Variants in LRRIQ1 observed in about 807,000 individuals in gnomAD.
LRRIQ1 encodes the protein leucine rich repeats and IQ motif containing 1.
Under a neutral mutation model 211.9 loss-of-function variants are expected in LRRIQ1, and 210 were observed. The observed-to-expected ratio is 0.99, with a 90% confidence interval of 0.89 to 1.11. LRRIQ1 has a LOEUF of 1.11. Ranked by LOEUF, LRRIQ1 falls within the 50% of genes most tolerant of loss-of-function variation. The pLI is 0.00. For missense variants in LRRIQ1, 2,136 were observed against 1,939.5 expected (o/e 1.10, Z -1.90); for synonymous variants, 699 against 650.1 (o/e 1.08, Z -1.14).
chr12:85,259,791 A>G (rs1896231828), intron 1 of LRRIQ1, among the ~76,000 whole-genome samples: 1 of 152,154 alleles, frequency 6.6e-6, no homozygotes, highest in Non-Finnish European at 1.5e-5. Context: ...TTAAGGAATT[A>G]TACCAAGCAA....
chr12:85,116,962 T>C lies in LRRIQ1; in HGVS notation c.3378-4735T>C, dbSNP rs547363939. ...TCTTTATCCAATCTGTCATTGATAG[T>C]CATTTAGGTTGATTCCATGTCTTTG... On this transcript the variant is annotated intron_variant, in intron 15 of 26. Coordinates refer to ENST00000393217, the MANE Select transcript of LRRIQ1 (RefSeq NM_001079910.2). Among the ~76,000 whole-genome samples the C allele has an allele frequency of 4.6e-5, 7 of 152,068 alleles. No homozygotes were observed. In the South Asian group the frequency reaches 1.5e-3, roughly 32 times the overall value.
At chr12:85,192,323 C>T (rs944351543) in intron 24 of LRRIQ1, among the ~76,000 whole-genome samples, 7 of 146,492 alleles carry the variant, frequency 4.8e-5, no homozygotes, top group African/African-American at 1.8e-4. Flanking sequence ...CATGTCACTG[C>T]AAAGGACATG....
intron 24 of LRRIQ1, among the ~76,000 whole-genome samples, chr12:85,205,659 G>A (rs1363468386): frequency 6.6e-6 from 1 of 152,144 alleles, no homozygotes; most frequent in Non-Finnish European, 1.5e-5. Context: ...GCAAGGTTGG[G>A]AAAATATTCA....
intron 8 of LRRIQ1, 67 bp from the exon 9 acceptor site, chr12:85,065,195 G>A: frequency 7.6e-7 from 1 of 1,311,370 alleles, no homozygotes; most frequent in Non-Finnish European, 1.0e-6. Context: ...GTTTTGTAAG[G>A]CTAATATTGT....
chr12:85,082,623 C>T (rs1411167706), intron 11 of LRRIQ1, among the ~76,000 whole-genome samples: 3 of 152,058 alleles, frequency 2.0e-5, no homozygotes, highest in Non-Finnish European at 2.9e-5. Flanking sequence ...TATATGTATA[C>T]ATCTATGTCC....
At position 85,038,182 on chromosome 12, in the gene LRRIQ1, C is replaced by T. The variant is rs761010014; in HGVS notation, c.6C>T (p.Asp2=). The part of the protein sequence containing the change: M[D]DDDAKLKAEI... ...GTGCTTTATTATGAAGAATAATGGA[C>T]GATGATGATGCAAAGCTCAAAGCAG... Residue 2 remains aspartate, a synonymous_variant, in exon 2 of 27, where the codon GAC becomes GAT. Transcript: ENST00000393217. The T allele has an allele frequency of 1.5e-5, 23 of 1,552,962 alleles. No individual in the cohort carries two copies. The highest frequency in any genetic ancestry group is 1.7e-4 in the Middle Eastern group (1 of 5,810).
rs185818911 is a variant in LRRIQ1, at chr12:85,182,421, A to G, written c.4822+21707A>G. On this transcript the variant is annotated intron_variant, in intron 24 of 26. Transcript: ENST00000393217. ...ATTAACTAAAATTATGTGTGCCAAGATTTAGGTTAGTTGAAAGCCCTACAA... is the reference window on the plus strand; with the variant it reads ...ATTAACTAAAATTATGTGTGCCAAGGTTTAGGTTAGTTGAAAGCCCTACAA... 7.2e-5 allele frequency among the ~76,000 whole-genome samples: 11 copies of G among 152,290 alleles called. No individual in the cohort carries two copies. The East Asian group carries it at 1.9e-3, about 27-fold the overall frequency.
At chr12:85,116,036 T>C (rs1452118809) in intron 15 of LRRIQ1, among the ~76,000 whole-genome samples, 1 of 152,222 alleles carries the variant, frequency 6.6e-6, no homozygotes, top group Non-Finnish European at 1.5e-5. Flanking sequence ...ATACTCTTTA[T>C]GTAAAACAAG....
rs571410991 is a variant in LRRIQ1, at chr12:85,073,154, T to C, written c.2887+56T>C. On this transcript the variant is annotated intron_variant, in intron 11 of 26. Coordinates refer to ENST00000393217, the MANE Select transcript of LRRIQ1 (RefSeq NM_001079910.2). ...TCTTTATGGATTTCTAGAGGAGGTA[T>C]GGGGAGGGTTGGATCTAGGCAGTCA... 1.7e-5 allele frequency: 22 copies of C among 1,314,908 alleles called. No individual in the cohort carries two copies. In the African/African-American group the frequency reaches 3.1e-4, roughly 19 times the overall value. The allele number at this position is 1,314,908 out of a possible 1,614,324, so 81.5% of individuals were successfully genotyped here.
At chr12:85,089,546 G>A (rs1333672444) in intron 11 of LRRIQ1, among the ~76,000 whole-genome samples, 1 of 152,206 alleles carries the variant, frequency 6.6e-6, no homozygotes, top group Non-Finnish European at 1.5e-5. Flanking sequence ...GCAAGATTAT[G>A]TGTGTTATGC....
downstream of LRRIQ1, among the ~76,000 whole-genome samples, chr12:85,247,009 C>T (rs1037536107): frequency 6.6e-6 from 1 of 151,370 alleles, no homozygotes; most frequent in Non-Finnish European, 1.5e-5. Flanking sequence ...CGAGTTAGAA[C>T]ACAAACTGGT....
intron 24 of LRRIQ1, among the ~76,000 whole-genome samples, chr12:85,225,129 A>G (rs1437606727): frequency 1.3e-5 from 2 of 152,146 alleles, no homozygotes. Flanking sequence ...CTGAACATGT[A>G]CAGATTTTTT....
rs1894213238 is a variant in LRRIQ1 at position 85,217,712 on chromosome 12, G to GTGTATATGTATATATGTGTA, written c.4823-11804_4823-11803insGTATATGTATATATGTGTAT. Among the ~76,000 whole-genome samples the GTGTATATGTATATATGTGTA allele has an allele frequency of 6.7e-5, 7 of 103,838 alleles. 1 individual carries two copies. The African/African-American group carries it at 9.6e-4, about 14-fold the overall frequency. The allele number at this position is 103,838 out of a possible 152,430, so 68.1% of individuals were successfully genotyped here. On this transcript the variant is annotated intron_variant, in intron 24 of 26. Transcript: ENST00000393217. ...TGTGTATATATGTATATATGTGTGT[G>GTGTATATGTATATATGTGTA]TATATATGTATATATGTGTATATAT...
At chr12:85,226,946 G>C (rs1489062898) in intron 24 of LRRIQ1, among the ~76,000 whole-genome samples, 2 of 152,002 alleles carry the variant, frequency 1.3e-5, no homozygotes, top group African/African-American at 4.8e-5. Context: ...CATTTGGATT[G>C]GTTCTAAGTC....
chr12:85,074,771 A>G (rs1325891630), intron 11 of LRRIQ1, among the ~76,000 whole-genome samples: 2 of 152,138 alleles, frequency 1.3e-5, no homozygotes, highest in African/African-American at 4.8e-5. Flanking sequence ...AATATATTGA[A>G]TGAATGTTGC....
chr12:85,128,077 A>G, intron 18 of LRRIQ1, 44 bp downstream of exon 18: 1 of 1,346,424 alleles, frequency 7.4e-7, no homozygotes, highest in South Asian at 1.2e-5. Context: ...AAGATATATT[A>G]GTTGTCTTTC....
chr12:85,153,935 C>A, intron 22 of LRRIQ1, 77 bp from the exon 23 acceptor site: 2 of 1,025,074 alleles, frequency 2.0e-6, no homozygotes, highest in Non-Finnish European at 1.4e-6. Flanking sequence ...TTCAGATATG[C>A]ATGTCTATTT....
Position 85,124,401 on chromosome 12 carries a change from C to G in LRRIQ1, c.3889C>G (p.Gln1297Glu), listed in dbSNP as rs1313819286. The stretch of plus-strand genomic sequence containing the variant: ...AAGACATCAGGAAATATTAGTATGT[C>G]AGAAGAGAGAAGACAGCAAGGCAAG... ...EGRHQEILVCQKREDSKASSI... is the reference protein window; with the variant it reads ...EGRHQEILVCEKREDSKASSI... The change falls in exon 17 of 27, where the codon CAG (glutamine) becomes GAG (glutamate). Residue 1297 changes from glutamine (Q) to glutamate (E), a missense_variant. Physicochemically the swap from Gln to Glu is conservative, Grantham distance 29 (BLOSUM62 2). Coordinates refer to ENST00000393217, the MANE Select transcript of LRRIQ1 (RefSeq NM_001079910.2). 6.2e-7 allele frequency: 1 copy of G among 1,613,980 alleles called. No individual in the cohort carries two copies. Among genetic ancestry groups the G allele is most frequent in the Non-Finnish European group, 8.5e-7 (1 of 1,180,012 alleles).
At chr12:85,140,240 T>C (rs1176613613) in intron 19 of LRRIQ1, among the ~76,000 whole-genome samples, 1 of 151,310 alleles carries the variant, frequency 6.6e-6, no homozygotes, top group Non-Finnish European at 1.5e-5. Context: ...AAAATACTAT[T>C]TCATAATGAC....
Sources: allele counts gnomAD v4.1 joint callset (sites outside exome capture counted in the v4.1 genomes callset), GRCh38; gene constraint gnomAD v4.1.1; transcripts MANE v1.5; gene names NCBI Gene and HGNC (gene_info 2026-07-23, HGNC 2026-07-21).